SORCS2: variants seen among roughly 807,000 people sequenced by gnomAD.
SORCS2 encodes sortilin related VPS10 domain containing receptor 2, also known as VPS10 domain-containing receptor SorCS2.
SORCS2 carries 100 observed loss-of-function variants against 141.6 expected under a neutral mutation model. The observed-to-expected ratio is 0.71, with a 90% CI of 0.60 to 0.83. The LOEUF is 0.83. SORCS2 is among the 40% of genes least tolerant of loss of function. The pLI is 0.00. For synonymous variants in SORCS2, 789 were observed against 676.9 expected (o/e 1.17, Z -2.57); for missense variants, 1,646 against 1,560.2 (o/e 1.05, Z -0.93).
At chr4:7,700,845 TG>T (rs1444689839) in intron 12 of SORCS2, among the ~76,000 whole-genome samples, 1 of 152,112 alleles carries the variant, frequency 6.6e-6, no homozygotes, top group Non-Finnish European at 1.5e-5. Flanking sequence ...TCCACCTGTG[TG>T]GGGGCAAGAT....
At chr4:7,613,585 C>A (rs1008970786) in intron 3 of SORCS2, among the ~76,000 whole-genome samples, 1 of 152,198 alleles carries the variant, frequency 6.6e-6, no homozygotes, top group Admixed American at 6.5e-5. Context: ...AACAAAGAAG[C>A]ACATGCACCT....
At chr4:7,551,620 G>T (rs943052821) in intron 3 of SORCS2, among the ~76,000 whole-genome samples, 7 of 152,168 alleles carry the variant, frequency 4.6e-5, no homozygotes, top group African/African-American at 1.7e-4. Context: ...TCACTGTGAT[G>T]GTTTCTTACT....
chr4:7,487,803 C>G (rs1039428107), intron 2 of SORCS2, among the ~76,000 whole-genome samples: 2 of 152,158 alleles, frequency 1.3e-5, no homozygotes, highest in Admixed American at 1.3e-4. Flanking sequence ...GCTACGGTAC[C>G]GAGGGCTCTG....
intron 24 of SORCS2, among the ~76,000 whole-genome samples, chr4:7,733,995 A>G (rs1158330319): frequency 6.6e-6 from 1 of 151,858 alleles, no homozygotes; most frequent in Non-Finnish European, 1.5e-5. Flanking sequence ...AGGCTGTGGC[A>G]GGGACAGGCA....
chr4:7,510,413 A>T (rs1395087932), intron 2 of SORCS2, among the ~76,000 whole-genome samples: 1 of 152,306 alleles, frequency 6.6e-6, no homozygotes, highest in East Asian at 1.9e-4. Context: ...GCCGTCAGGG[A>T]AGGGCACTCC....
intron 2 of SORCS2, among the ~76,000 whole-genome samples, chr4:7,407,845 T>C (rs1334112516): frequency 1.3e-5 from 2 of 152,126 alleles, no homozygotes; most frequent in African/African-American, 2.4e-5. Flanking sequence ...AAATCTATTA[T>C]AGGTTTTTGC....
chr4:7,249,633 C>T (rs750501343), intron 1 of SORCS2, among the ~76,000 whole-genome samples: 8 of 152,134 alleles, frequency 5.3e-5, no homozygotes, highest in Non-Finnish European at 1.2e-4. Flanking sequence ...TCTGTGACAT[C>T]CTGGTAGATG....
intron 4 of SORCS2, among the ~76,000 whole-genome samples, chr4:7,650,207 G>A (rs1009501679): frequency 6.6e-6 from 1 of 152,196 alleles, no homozygotes; most frequent in Non-Finnish European, 1.5e-5. Flanking sequence ...CTCAATTGCT[G>A]CGAGCCTCCA....
At chr4:7,568,955 C>T (rs77946229) in intron 3 of SORCS2, among the ~76,000 whole-genome samples, 1 of 152,198 alleles carries the variant, frequency 6.6e-6, no homozygotes, top group Non-Finnish European at 1.5e-5. Flanking sequence ...AGGCTGGACT[C>T]TACCTTGGCT....
At position 7,487,965 on chromosome 4, in the gene SORCS2, C is replaced by T. The variant is rs1441326573; in HGVS notation, c.549-43565C>T. On this transcript the variant is annotated intron_variant, in intron 2 of 26. Coordinates refer to ENST00000507866, the MANE Select transcript of SORCS2 (RefSeq NM_020777.3). ...AGGAAGCAGGAATCCGGGGCAGAGC[C>T]GCTCGCTCATCAGCAAGTGCTGGGC... is the stretch of plus-strand genomic sequence containing the variant. Among the ~76,000 whole-genome samples, 8 of 152,240 alleles carry T rather than the reference C, an allele frequency of 5.3e-5. 1 individual carries two copies. Among genetic ancestry groups the T allele is most frequent in the South Asian group, 4.2e-4 (2 of 4,816 alleles).
intron 5 of SORCS2, among the ~76,000 whole-genome samples, chr4:7,659,748 G>T (rs1722030358): frequency 6.6e-6 from 1 of 152,210 alleles, no homozygotes; most frequent in African/African-American, 2.4e-5. Context: ...ACAGGGAAGA[G>T]CCTTGGACAA....
In SORCS2 at chr4:7,703,279, G is replaced by A; in HGVS notation, c.1669-1G>A. On this transcript the variant is annotated splice_acceptor_variant, in intron 12 of 26. Transcript: ENST00000507866. LOFTEE classifies it high-confidence loss of function. ...CTCAGCCACACCACTCTCCTCTGCA[G>A]GTGTTTGAGGAAGAGCATCACATCC... The A allele has an allele frequency of 6.2e-7, 1 of 1,610,252 alleles. No individual in the cohort carries two copies. The highest frequency in any genetic ancestry group is 8.5e-7 in the Non-Finnish European group (1 of 1,178,022).
chr4:7,638,274 T>G, intron 3 of SORCS2, 54 bp from the exon 4 acceptor site: 1 of 1,483,888 alleles, frequency 6.7e-7, no homozygotes, highest in Non-Finnish European at 8.9e-7. Flanking sequence ...ACCTTTCTGG[T>G]GTCGGGGGAG....
intron 3 of SORCS2, among the ~76,000 whole-genome samples, chr4:7,536,890 C>T (rs1247063693): frequency 6.6e-6 from 1 of 151,626 alleles, no homozygotes; most frequent in Non-Finnish European, 1.5e-5. Context: ...CTTCCATTAG[C>T]CAGAGCAGAA....
At chr4:7,338,238 AGGATGGATGGAT>A (rs149832865) in intron 1 of SORCS2, among the ~76,000 whole-genome samples, 1 of 142,592 alleles carries the variant, frequency 7.0e-6, no homozygotes, top group Admixed American at 6.9e-5. Context: ...GTCGGATGGA[AGGATGGATGGAT>A]GGATGGATGG....
At chr4:7,362,213 T>C (rs1433288821) in intron 1 of SORCS2, among the ~76,000 whole-genome samples, 3 of 152,082 alleles carry the variant, frequency 2.0e-5, no homozygotes, top group Admixed American at 6.5e-5. Flanking sequence ...CAAATATCCA[T>C]AGCCGCCAGT....
At chr4:7,371,572 A>G (rs2109044971) in intron 1 of SORCS2, among the ~76,000 whole-genome samples, 1 of 152,276 alleles carries the variant, frequency 6.6e-6, no homozygotes, top group South Asian at 2.1e-4. Flanking sequence ...CCCGGAGCCC[A>G]AGGATTGCTG....
At chr4:7,651,706 T>C (rs977110907) in intron 4 of SORCS2, among the ~76,000 whole-genome samples, 5 of 152,172 alleles carry the variant, frequency 3.3e-5, no homozygotes, top group Non-Finnish European at 7.3e-5. Context: ...TTTATGTAGC[T>C]TTTTCCCTCC....
intron 2 of SORCS2, among the ~76,000 whole-genome samples, chr4:7,444,422 C>A (rs1260171443): frequency 6.6e-6 from 1 of 152,126 alleles, no homozygotes. Flanking sequence ...TTCAACAAAA[C>A]ATTTGAGTGT....
Sources: allele counts gnomAD v4.1 joint callset (sites outside exome capture counted in the v4.1 genomes callset), GRCh38; gene constraint gnomAD v4.1.1; transcripts MANE v1.5; gene names NCBI Gene and HGNC (gene_info 2026-07-23, HGNC 2026-07-21).